The following ASPRV1 variants were observed in gnomAD, a reference collection of about 807,000 sequenced individuals.
ASPRV1 encodes aspartic peptidase retroviral like 1.
A neutral mutation model predicts 11.0 loss-of-function variants in ASPRV1; 7 were observed. That is an observed-to-expected ratio of 0.64 (90% CI 0.36 to 1.20). The LOEUF is 1.20. Among genes scored for constraint, ASPRV1 ranks in the 50% most tolerant of loss-of-function variants. ASPRV1 has a pLI of 0.02. For missense variants in ASPRV1, 299 were observed against 320.0 expected, an observed-to-expected ratio of 0.93 and a Z score of 0.50; for synonymous variants, 136 against 138.4, an observed-to-expected ratio of 0.98 and a Z score of 0.12.
the ASPRV1 span, among the ~76,000 whole-genome samples, chr2:70,059,171 G>A: frequency 6.6e-5 from 10 of 151,058 alleles, no homozygotes; most frequent in Admixed American, 5.3e-4. Context: ...GATTACAGGC[G>A]TGAGCCACCG....
the ASPRV1 span, among the ~76,000 whole-genome samples, chr2:70,066,152 G>A: frequency 6.6e-6 from 1 of 152,038 alleles, no homozygotes; most frequent in African/African-American, 2.4e-5. Context: ...GAGGTTGCAT[G>A]AGCCGAAATC....
At chr2:69,988,218 G>A in the ASPRV1 span, among the ~76,000 whole-genome samples, 112 of 152,318 alleles carry the variant, frequency 7.4e-4, no homozygotes, top group African/African-American at 2.4e-3. Context: ...GCGCACCCAT[G>A]TTCACAGCAG....
At chr2:69,945,737 A>G in the ASPRV1 span, among the ~76,000 whole-genome samples, 6 of 152,200 alleles carry the variant, frequency 3.9e-5, no homozygotes, top group Admixed American at 3.9e-4. Context: ...AGGGATGACC[A>G]CAGGAAGAGC....
chr2:69,944,087 T>A, the ASPRV1 span, among the ~76,000 whole-genome samples: 354 of 152,292 alleles, frequency 2.3e-3, 1 homozygote, highest in Non-Finnish European at 3.6e-3. Flanking sequence ...GATTCTAGGA[T>A]CCATCACTGT....
At chr2:70,038,597 AAAGCGTATG>A in the ASPRV1 span, among the ~76,000 whole-genome samples, 1 of 151,932 alleles carries the variant, frequency 6.6e-6, no homozygotes, top group Non-Finnish European at 1.5e-5. Context: ...GGGGGAAAAA[AAAGCGTATG>A]AAGCTCTTTA....
chr2:69,949,184 T>C, the ASPRV1 span, among the ~76,000 whole-genome samples: 2 of 152,104 alleles, frequency 1.3e-5, no homozygotes, highest in South Asian at 2.1e-4. Flanking sequence ...GCAGGCCCCC[T>C]GCGGCTCTGA....
chr2:69,950,449 T>C, the ASPRV1 span, among the ~76,000 whole-genome samples: 2 of 152,370 alleles, frequency 1.3e-5, no homozygotes, highest in Admixed American at 1.3e-4. Flanking sequence ...CATTCAACAC[T>C]GTGACGTTCG....
the ASPRV1 span, among the ~76,000 whole-genome samples, chr2:70,072,010 G>T: frequency 6.6e-6 from 1 of 151,738 alleles, no homozygotes; most frequent in South Asian, 2.1e-4. Context: ...GGAGTGCAGT[G>T]GCACGATCTC....
chr2:69,968,772 C>T, the ASPRV1 span, among the ~76,000 whole-genome samples: 13 of 152,204 alleles, frequency 8.5e-5, no homozygotes, highest in African/African-American at 2.7e-4. Flanking sequence ...GAGTCTTGGG[C>T]ACTGGAACCC....
the ASPRV1 span, among the ~76,000 whole-genome samples, chr2:70,076,857 C>G: frequency 2.1e-4 from 32 of 152,280 alleles, no homozygotes; most frequent in Middle Eastern, 0.01. Flanking sequence ...GAGAACGTGT[C>G]AGTAGGCCAG....
Position 69,961,358 on chromosome 2 carries a change from C to A in ASPRV1, c.79G>T (p.Val27Phe). 6.2e-7 allele frequency: 1 copy of A among 1,614,150 alleles called. No individual in the cohort carries two copies. ...CTGTGCAGCCAGAGGTTTGGGACGA[C>A]ATTGGCCCCATCAAAAGGTTCCGGG... Reference protein sequence around the residue: ...FVPEPFDGANVVPNLWLHSFE... With the variant: ...FVPEPFDGANFVPNLWLHSFE... The change falls in exon 1 of 1, where the codon GTC becomes TTC. Residue 27 changes from valine (V) to phenylalanine (F), a missense_variant. Physicochemically the swap from Val to Phe is conservative, Grantham distance 50. Coordinates refer to ENST00000320256, the MANE Select transcript of ASPRV1 (RefSeq NM_152792.4).
the ASPRV1 span, among the ~76,000 whole-genome samples, chr2:70,006,889 G>C: frequency 6.6e-6 from 1 of 152,194 alleles, no homozygotes; most frequent in African/African-American, 2.4e-5. Flanking sequence ...CTACAGAGGG[G>C]CTGTGGCATA....
the ASPRV1 span, among the ~76,000 whole-genome samples, chr2:70,007,839 A>G: frequency 6.6e-6 from 1 of 151,754 alleles, no homozygotes; most frequent in South Asian, 2.1e-4. Flanking sequence ...ATGTATTTTT[A>G]TTTATTTATT....
chr2:69,998,869 C>G, the ASPRV1 span, among the ~76,000 whole-genome samples: 1 of 152,170 alleles, frequency 6.6e-6, no homozygotes, highest in African/African-American at 2.4e-5. Flanking sequence ...GGGCTCCGGG[C>G]ATGACTGACA....
the ASPRV1 span, among the ~76,000 whole-genome samples, chr2:70,025,181 T>C: frequency 5.3e-3 from 802 of 152,340 alleles, 6 homozygotes; most frequent in Admixed American, 0.012. Context: ...ATGACACGCA[T>C]ACACGCATGC....
the ASPRV1 span, among the ~76,000 whole-genome samples, chr2:70,044,965 C>T: frequency 6.6e-6 from 1 of 152,172 alleles, no homozygotes; most frequent in Non-Finnish European, 1.5e-5. Context: ...TGTTTTGACA[C>T]GTGTGGCCTA....
At chr2:70,023,299 G>C in the ASPRV1 span, among the ~76,000 whole-genome samples, 1 of 152,170 alleles carries the variant, frequency 6.6e-6, no homozygotes, top group Non-Finnish European at 1.5e-5. Context: ...ATCAGGCAAA[G>C]CAGGTGGGGA....
At chr2:69,964,743 G>A (rs933642004), upstream of ASPRV1, 3 of 153,726 alleles carry the variant, frequency 2.0e-5, no homozygotes, top group Non-Finnish European at 4.4e-5. Flanking sequence ...CAATAAACAG[G>A]AAGGAGTGGG....
the ASPRV1 span, among the ~76,000 whole-genome samples, chr2:69,943,610 C>T: frequency 6.6e-6 from 1 of 152,228 alleles, no homozygotes; most frequent in Non-Finnish European, 1.5e-5. Context: ...CGTTCCTTTA[C>T]ATACTAACCC....
Sources: allele counts gnomAD v4.1 joint callset (sites outside exome capture counted in the v4.1 genomes callset), GRCh38; gene constraint gnomAD v4.1.1; transcripts MANE v1.5; gene names NCBI Gene and HGNC (gene_info 2026-07-23, HGNC 2026-07-21).